Variants in MRGPRX1 observed in about 807,000 individuals in gnomAD.
MRGPRX1 encodes the protein mas-related G protein-coupled receptor member X1.
For synonymous variants in MRGPRX1, 208 were observed against 170.4 expected (o/e 1.22, Z -1.72); for missense variants, 411 against 393.8 (o/e 1.04, Z -0.37).
chr11:18,933,733 G>A lies in MRGPRX1; in HGVS notation c.*83C>T. Reference sequence around the variant, plus strand: ...CACTGAGACATTTCTGAGGCAGAAGGCTAAGAAAAACGCATATAATTGTCA... The same window carrying A: ...CACTGAGACATTTCTGAGGCAGAAGACTAAGAAAAACGCATATAATTGTCA... On this transcript the variant is annotated 3_prime_UTR_variant, in exon 2 of 2. Coordinates refer to ENST00000526914, the MANE Select transcript of MRGPRX1 (RefSeq NM_001393578.1). The A allele has an allele frequency of 6.6e-7, 1 of 1,510,560 alleles. No individual in the cohort carries two copies. Among genetic ancestry groups the A allele is most frequent in the East Asian group, 2.3e-5 (1 of 43,902 alleles). 93.6% of individuals were successfully genotyped at this position (1,510,560 alleles called of 1,614,324 possible).
At position 18,934,618 on chromosome 11, in the gene MRGPRX1, A is replaced by G; in HGVS notation, c.167T>C (p.Met56Thr). The G allele has an allele frequency of 2.5e-6, 4 of 1,610,436 alleles. No homozygotes were observed. The highest frequency in any genetic ancestry group is 2.2e-5 in the East Asian group (1 of 44,788). Residue 56 changes from methionine to threonine, a missense_variant, in exon 2 of 2, where the codon ATG becomes ACG. Transcript: ENST00000526914. ...AVVLWLLGCR[M>T]RRNAFSIYIL... ...GTAGATGGAGAAGGCGTTCCTGCGCATGCGGCAGCCCAGGAGCCAGAGCAC... is the reference window on the plus strand; with the variant it reads ...GTAGATGGAGAAGGCGTTCCTGCGCGTGCGGCAGCCCAGGAGCCAGAGCAC...
rs749815089 is a variant in MRGPRX1 at position 18,933,944 on chromosome 11, G to A, written c.841C>T (p.Arg281Cys). ...IYFFVGSFRQ[R>C]QNRQNLKLVL... ...AGCTTCAGGTTCTGCCTATTTTGACGCTGCCTAAAGGAGCCCACGAAGAAG... is the reference window on the plus strand; with the variant it reads ...AGCTTCAGGTTCTGCCTATTTTGACACTGCCTAAAGGAGCCCACGAAGAAG... The change falls in exon 2 of 2, where the codon CGT becomes TGT. Residue 281 changes from arginine (R) to cysteine (C), a missense_variant. Coordinates refer to ENST00000526914, the MANE Select transcript of MRGPRX1 (RefSeq NM_001393578.1). The A allele has an allele frequency of 6.8e-6, 11 of 1,610,928 alleles. No homozygotes were observed. The highest frequency in any genetic ancestry group is 1.1e-5 in the South Asian group (1 of 90,814).
chr11:18,934,461 T>C lies in MRGPRX1; in HGVS notation c.324A>G (p.Ala108=), dbSNP rs750047401. 9 of 1,610,624 alleles carry C rather than the reference T, an allele frequency of 5.6e-6. No individual in the cohort carries two copies. Among genetic ancestry groups the C allele is most frequent in the East Asian group, 2.2e-5 (1 of 44,776 alleles). The stretch of plus-strand genomic sequence containing the variant: ...TCACGGCACTCAGAAAGCTCAGGCC[T>C]GCAAAGTAGGAAAACATCATCACAG... The part of the protein sequence containing the change: ...LYPVMMFSYF[A]GLSFLSAVST... Residue 108 remains alanine (A), a synonymous_variant, in exon 2 of 2, where the codon GCA becomes GCG. Coordinates refer to ENST00000526914, the MANE Select transcript of MRGPRX1 (RefSeq NM_001393578.1).
Position 18,938,136 on chromosome 11 carries a change from G to C in MRGPRX1, c.-26+1144C>G, listed in dbSNP as rs550254375. Among the ~76,000 whole-genome samples, 237 of 151,686 alleles carry C rather than the reference G, an allele frequency of 1.6e-3. 5 individuals carry two copies. Among genetic ancestry groups the C allele is most frequent in the African/African-American group, 5.5e-3 (226 of 41,412 alleles). ...GAATTGAGACACTGGGAGACACCTG[G>C]ATGAGACTGGAAGACAGCAGGAGAG... On this transcript the variant is annotated intron_variant, in intron 1 of 1. Coordinates refer to ENST00000526914, the MANE Select transcript of MRGPRX1 (RefSeq NM_001393578.1).
rs778466051 is a variant in MRGPRX1, at chr11:18,933,869, C to G, written c.916G>C (p.Gly306Arg). 3 of 1,610,476 alleles carry G rather than the reference C, an allele frequency of 1.9e-6. No individual in the cohort carries two copies. Among genetic ancestry groups the G allele is most frequent in the Non-Finnish European group, 2.5e-6 (3 of 1,178,076 alleles). Residue 306 changes from glycine (G) to arginine (R), a missense_variant, in exon 2 of 2, where the codon GGG becomes CGG. Transcript: ENST00000526914. ...TCCAGGATTTCCTCAGGAAGCTGCC[C>G]TCCACCTTCATCCACCTCAGACGCG... Reference protein sequence around the residue: ...QDASEVDEGGGQLPEEILELS... With the variant: ...QDASEVDEGGRQLPEEILELS...
At position 18,934,220 on chromosome 11, in the gene MRGPRX1, C is replaced by A; in HGVS notation, c.565G>T (p.Val189Leu). 6.2e-7 allele frequency: 1 copy of A among 1,610,558 alleles called. No individual in the cohort carries two copies. The highest frequency in any genetic ancestry group is 8.5e-7 in the Non-Finnish European group (1 of 1,178,138). ...ITVAWLIFLCVVLCGSSLVLL... is the reference protein window; with the variant it reads ...ITVAWLIFLCLVLCGSSLVLL... ...ACCAGGCTGGACCCACAGAGAACCACACATAAAAAAATCAGCCACGCGACT... is the reference window on the plus strand; with the variant it reads ...ACCAGGCTGGACCCACAGAGAACCAAACATAAAAAAATCAGCCACGCGACT... Residue 189 changes from valine (V) to leucine (L), a missense_variant, in exon 2 of 2, where the codon GTG becomes TTG. Physicochemically the swap from Val to Leu is conservative, Grantham distance 32. Coordinates refer to ENST00000526914, the MANE Select transcript of MRGPRX1 (RefSeq NM_001393578.1).
chr11:18,934,820 A>G lies in MRGPRX1; in HGVS notation c.-25-11T>C. 4 of 1,529,604 alleles carry G rather than the reference A, an allele frequency of 2.6e-6. No individual in the cohort carries two copies. The highest frequency in any genetic ancestry group is 3.5e-6 in the Non-Finnish European group (4 of 1,139,074). 94.8% of individuals were successfully genotyped at this position (1,529,604 alleles called of 1,614,324 possible). A position where few individuals can be genotyped will look rare whatever the true frequency, so the allele number is the denominator to read the frequency against. ...CCTAGTCTGGTGACCCTGGAAACAG[A>G]AACCAGTTGTGATCACCAGCTGTAT... On this transcript the variant is annotated splice_polypyrimidine_tract_variant and intron_variant, in intron 1 of 1. Transcript: ENST00000526914.
intron 1 of MRGPRX1, among the ~76,000 whole-genome samples, chr11:18,938,453 A>G (rs903939220): frequency 6.6e-5 from 10 of 151,394 alleles, no homozygotes; most frequent in African/African-American, 2.4e-4. Context: ...TTGCATGAGA[A>G]CTCACTATCA....
At chr11:18,939,250 C>G (rs1224976951) in intron 1 of MRGPRX1, 30 bp downstream of exon 1, 1 of 151,680 alleles carries the variant, frequency 6.6e-6, no homozygotes, top group Non-Finnish European at 1.5e-5. Flanking sequence ...CCATGACTGA[C>G]TATGGAAGAA....
intron 1 of MRGPRX1, among the ~76,000 whole-genome samples, chr11:18,938,951 T>C (rs1469889544): frequency 6.6e-6 from 1 of 151,710 alleles, no homozygotes; most frequent in South Asian, 2.1e-4. Flanking sequence ...AAAACCTGCT[T>C]CTACAGCAGT....
intron 1 of MRGPRX1, among the ~76,000 whole-genome samples, chr11:18,939,051 T>C (rs1473161976): frequency 1.3e-5 from 2 of 151,396 alleles, no homozygotes; most frequent in African/African-American, 4.9e-5. Flanking sequence ...GGTTCAGTGA[T>C]TGGAATAAGG....
rs1848814448 is a variant in MRGPRX1, at chr11:18,934,065, T to C, written c.720A>G (p.Leu240=). ...LPFGIQFFLF[L]WIHVDREVLF... ...AGACTTCCCTGTCCACGTGGATCCA[T>C]AAAAATAGGAAAAACTGAATGCCAA... The change falls in exon 2 of 2, where the codon TTA becomes TTG. Residue 240 remains leucine, a synonymous_variant. Coordinates refer to ENST00000526914, the MANE Select transcript of MRGPRX1 (RefSeq NM_001393578.1). The C allele has an allele frequency of 6.2e-7, 1 of 1,610,522 alleles. No homozygotes were observed. Among genetic ancestry groups the C allele is most frequent in the East Asian group, 2.2e-5 (1 of 44,786 alleles).
intron 1 of MRGPRX1, among the ~76,000 whole-genome samples, chr11:18,935,784 G>A (rs1217823442): frequency 6.6e-6 from 1 of 151,418 alleles, no homozygotes; most frequent in African/African-American, 2.4e-5. Flanking sequence ...ATATCTGTGG[G>A]GCACTACTGA....
intron 1 of MRGPRX1, among the ~76,000 whole-genome samples, chr11:18,938,968 CTG>C (rs1291368358): frequency 6.6e-6 from 1 of 151,604 alleles, no homozygotes; most frequent in East Asian, 1.9e-4. Context: ...CAGTTCAACT[CTG>C]TGAAGCAATG....
chr11:18,933,893 C>T lies in MRGPRX1; in HGVS notation c.892G>A (p.Ala298Thr), dbSNP rs750380482. 75 of 1,610,810 alleles carry T rather than the reference C, an allele frequency of 4.7e-5. No individual in the cohort carries two copies. The highest frequency in any genetic ancestry group is 4.2e-4 in the East Asian group (19 of 44,786). Residue 298 changes from alanine (A) to threonine (T), a missense_variant, in exon 2 of 2, where the codon GCG (alanine) becomes ACG (threonine). Transcript: ENST00000526914. ...KLVLQRALQD[A>T]SEVDEGGGQL... ...CCTCCACCTTCATCCACCTCAGACG[C>T]GTCCTGCAGAGCCCTCTGGAGAACC...
At chr11:18,934,938 T>C in intron 1 of MRGPRX1, 129 bp from the exon 2 acceptor site, 15 of 1,104,890 alleles carry the variant, frequency 1.4e-5, no homozygotes, top group Non-Finnish European at 1.8e-5. Context: ...AAGTCACCTA[T>C]CAAAAGGTGG....
chr11:18,935,332 T>G (rs1590005270), intron 1 of MRGPRX1: 1 of 153,394 alleles, frequency 6.5e-6, no homozygotes, highest in Non-Finnish European at 1.4e-5. Context: ...ATTTTACATT[T>G]TATACTCCTA....
chr11:18,935,321 C>T (rs1368373301), intron 1 of MRGPRX1: 3 of 153,596 alleles, frequency 2.0e-5, no homozygotes, highest in African/African-American at 4.8e-5. Flanking sequence ...GACAGGACCA[C>T]ATTTTACATT....
chr11:18,936,311 A>AG (rs1280054754), intron 1 of MRGPRX1, among the ~76,000 whole-genome samples: 1 of 151,020 alleles, frequency 6.6e-6, no homozygotes, highest in East Asian at 1.9e-4. Context: ...AAAAAAAAAA[A>AG]CTAACCTAAA....
Sources: allele counts gnomAD v4.1 joint callset (sites outside exome capture counted in the v4.1 genomes callset), GRCh38; gene constraint gnomAD v4.1.1; transcripts MANE v1.5; gene names NCBI Gene and HGNC (gene_info 2026-07-23, HGNC 2026-07-21).